The following CAP2 variants were observed in gnomAD, a reference collection of about 807,000 sequenced individuals.
CAP2 encodes cyclase associated actin cytoskeleton regulatory protein 2, also known as adenylyl cyclase-associated protein 2.
CAP2 carries 24 observed loss-of-function variants against 57.7 expected under a neutral mutation model. That is an observed-to-expected ratio of 0.42 (90% CI 0.30 to 0.58). CAP2 has a LOEUF of 0.58. CAP2 is among the 20% of genes least tolerant of loss of function. The pLI, the probability that CAP2 is intolerant of heterozygous loss-of-function variation, is 0.22. For missense variants in CAP2, 501 were observed against 590.3 expected, an observed-to-expected ratio of 0.85 and a Z score of 1.57; for synonymous variants, 194 against 207.2, an observed-to-expected ratio of 0.94 and a Z score of 0.55.
chr6:17,484,229 ATGT>A (rs1246607533), intron 4 of CAP2, among the ~76,000 whole-genome samples: 1 of 151,978 alleles, frequency 6.6e-6, no homozygotes, highest in Non-Finnish European at 1.5e-5. Context: ...GATAGCGAAG[ATGT>A]TGTGGGCAGA....
intron 3 of CAP2, among the ~76,000 whole-genome samples, chr6:17,447,450 A>G (rs1047857029): frequency 6.6e-6 from 1 of 152,224 alleles, no homozygotes. Flanking sequence ...TCTGCTAGGT[A>G]TCAGGCCCTG....
At chr6:17,448,204 AT>A (rs764164027) in intron 3 of CAP2, among the ~76,000 whole-genome samples, 1 of 152,304 alleles carries the variant, frequency 6.6e-6, no homozygotes, top group East Asian at 1.9e-4. Flanking sequence ...GTTGTCTCTG[AT>A]TTTTCTGAGC....
intron 7 of CAP2, among the ~76,000 whole-genome samples, chr6:17,531,805 C>T (rs1762648334): frequency 6.6e-6 from 1 of 152,150 alleles, no homozygotes; most frequent in Non-Finnish European, 1.5e-5. Context: ...TGCAAATCAC[C>T]CAGACCGTCC....
intron 11 of CAP2, among the ~76,000 whole-genome samples, chr6:17,547,342 A>G (rs1322958253): frequency 6.6e-6 from 1 of 152,122 alleles, no homozygotes; most frequent in African/African-American, 2.4e-5. Flanking sequence ...TAGGTAAGTC[A>G]GAAGAGATAT....
intron 4 of CAP2, among the ~76,000 whole-genome samples, chr6:17,502,278 C>T (rs948826596): frequency 1.5e-4 from 23 of 152,142 alleles, no homozygotes; most frequent in African/African-American, 5.6e-4. Context: ...CTCTCATAGA[C>T]CCCCCATTGA....
chr6:17,551,532 T>C lies in CAP2; in HGVS notation c.1278T>C (p.Asp426=). The change falls in exon 12 of 13, where the codon GAT becomes GAC. Residue 426 remains aspartate (D), a synonymous_variant. Coordinates refer to ENST00000229922, the MANE Select transcript of CAP2 (RefSeq NM_006366.3). ...GTTGCCACATATACCTCAGTGAAGA[T>C]GCATTAGACTGTGAGATCGTGAGCG... ...TEGCHIYLSE[D]ALDCEIVSAK... The C allele has an allele frequency of 1.9e-6, 3 of 1,610,488 alleles. No individual in the cohort carries two copies. Among genetic ancestry groups the C allele is most frequent in the East Asian group, 2.2e-5 (1 of 44,838 alleles).
At chr6:17,508,411 T>C (rs1762044969) in intron 6 of CAP2, among the ~76,000 whole-genome samples, 1 of 152,112 alleles carries the variant, frequency 6.6e-6, no homozygotes. Flanking sequence ...TGAAGAAATA[T>C]CCAGGAAAAT....
intron 3 of CAP2, among the ~76,000 whole-genome samples, chr6:17,454,241 A>C (rs960320711): frequency 6.6e-6 from 1 of 151,826 alleles, no homozygotes; most frequent in South Asian, 2.1e-4. Context: ...CCTGGGATGC[A>C]TGGGAGACCA....
chr6:17,419,586 A>T (rs571944130), intron 1 of CAP2, among the ~76,000 whole-genome samples: 1 of 152,254 alleles, frequency 6.6e-6, no homozygotes, highest in South Asian at 2.1e-4. Context: ...TAGGGCCAAT[A>T]ATCTTAATAT....
At chr6:17,481,481 T>C (rs1368132122) in intron 4 of CAP2, among the ~76,000 whole-genome samples, 5 of 152,228 alleles carry the variant, frequency 3.3e-5, no homozygotes, top group Non-Finnish European at 7.3e-5. Context: ...TGTTCATTAT[T>C]TGTAATTATT....
chr6:17,549,072 A>G (rs1376481755), intron 11 of CAP2, among the ~76,000 whole-genome samples: 2 of 152,228 alleles, frequency 1.3e-5, no homozygotes, highest in African/African-American at 2.4e-5. Context: ...AAGACATCAT[A>G]TGAAGCTGAA....
chr6:17,418,882 T>G (rs908431537), intron 1 of CAP2, among the ~76,000 whole-genome samples: 1 of 152,180 alleles, frequency 6.6e-6, no homozygotes, highest in African/African-American at 2.4e-5. Context: ...TTTCCTTTTT[T>G]TTTCCTTCAA....
chr6:17,433,884 C>G (rs1759806810), intron 3 of CAP2, among the ~76,000 whole-genome samples: 1 of 152,200 alleles, frequency 6.6e-6, no homozygotes, highest in Non-Finnish European at 1.5e-5. Flanking sequence ...AGCATACAAT[C>G]CTCATCTATC....
At chr6:17,474,583 A>G (rs1393149934) in intron 4 of CAP2, among the ~76,000 whole-genome samples, 1 of 152,154 alleles carries the variant, frequency 6.6e-6, no homozygotes, top group African/African-American at 2.4e-5. Context: ...TGCATCTATT[A>G]TTTCATTTGT....
chr6:17,461,776 A>T (rs57354992), intron 3 of CAP2, among the ~76,000 whole-genome samples: 15,438 of 150,640 alleles, frequency 0.1, 2,510 homozygotes, highest in African/African-American at 0.35. Context: ...GCGGATCATG[A>T]GGTCAGGAGA....
intron 1 of CAP2, among the ~76,000 whole-genome samples, chr6:17,395,916 C>G (rs1758653343): frequency 6.6e-6 from 1 of 151,992 alleles, no homozygotes; most frequent in Non-Finnish European, 1.5e-5. Context: ...TGATAAGGGT[C>G]TTGTATCCAC....
intron 1 of CAP2, among the ~76,000 whole-genome samples, chr6:17,394,020 C>A (rs1204065037): frequency 2.0e-5 from 3 of 149,386 alleles, no homozygotes; most frequent in Non-Finnish European, 4.5e-5. Flanking sequence ...CCAGCTCCGG[C>A]GTCCTGGCCG....
Position 17,469,396 on chromosome 6 carries a change from GTGTGTGTGTC to G in CAP2, c.300+6343_300+6352del, listed in dbSNP as rs1032810118. Among the ~76,000 whole-genome samples, 48 of 152,110 alleles carry G rather than the reference GTGTGTGTGTC, an allele frequency of 3.2e-4. No individual in the cohort carries two copies. In the East Asian group the frequency reaches 6.8e-3, roughly 21 times the overall value. ...CCTGACAGTGAAATGATCTCTGTGT[GTGTGTGTGTC>G]TGTGTGTGTCTGTGTGTGTGTGTGT... On this transcript the variant is annotated intron_variant, in intron 4 of 12. Coordinates refer to ENST00000229922, the MANE Select transcript of CAP2 (RefSeq NM_006366.3).
intron 4 of CAP2, among the ~76,000 whole-genome samples, chr6:17,499,484 C>T (rs774265728): frequency 2.6e-5 from 4 of 151,692 alleles, no homozygotes; most frequent in Non-Finnish European, 5.9e-5. Context: ...ACGTAACTAT[C>T]CAAAGCAATG....
Sources: gnomAD v4.1 joint callset for allele counts (sites outside exome capture counted in the v4.1 genomes callset) on GRCh38, gnomAD v4.1.1 for gene constraint, MANE v1.5 for transcripts, NCBI Gene and HGNC (gene_info 2026-07-23, HGNC 2026-07-21) for gene names.